MGAM2: variants seen among roughly 807,000 people sequenced by gnomAD.
MGAM2 encodes the protein probable maltase-glucoamylase 2.
MGAM2 carries 98 observed loss-of-function variants against 96.1 expected under a neutral mutation model. The ratio of observed to expected loss-of-function variants is 1.02; its 90% confidence interval spans 0.87 to 1.21. MGAM2 has a LOEUF of 1.21. MGAM2 is among the 50% of genes most tolerant of loss of function. MGAM2 has a pLI of 0.00. For synonymous variants in MGAM2, 749 were observed against 414.8 expected (o/e 1.81, Z -9.79); for missense variants, 2,055 against 1,182.4 (o/e 1.74, Z -10.82).
intron 15 of MGAM2, among the ~76,000 whole-genome samples, chr7:142,152,688 G>A (rs1430953443): frequency 6.6e-6 from 1 of 152,178 alleles, no homozygotes; most frequent in Non-Finnish European, 1.5e-5. Context: ...TTAGAAAGCG[G>A]GAAAGAAGAG....
At chr7:142,197,766 C>A (rs111453278) in intron 42 of MGAM2, 38 bp downstream of exon 42, 3 of 702,646 alleles carry the variant, frequency 4.3e-6, no homozygotes, top group Non-Finnish European at 7.8e-6. Context: ...CCTTCAATCA[C>A]ATGATCTAAA....
At chr7:142,149,528 G>A (rs1258282329) in intron 15 of MGAM2, among the ~76,000 whole-genome samples, 1 of 151,014 alleles carries the variant, frequency 6.6e-6, no homozygotes, top group African/African-American at 2.4e-5. Context: ...ATCTTCTGAC[G>A]TTGTCTACTT....
intron 15 of MGAM2, among the ~76,000 whole-genome samples, chr7:142,147,834 C>T (rs1795434649): frequency 6.6e-6 from 1 of 152,128 alleles, no homozygotes; most frequent in Admixed American, 6.5e-5. Flanking sequence ...CATTTAGAGT[C>T]CTCAGCTAGA....
chr7:142,156,846 G>A (rs572214031), intron 17 of MGAM2, among the ~76,000 whole-genome samples: 6 of 152,322 alleles, frequency 3.9e-5, no homozygotes, highest in African/African-American at 9.6e-5. Flanking sequence ...AAAAGATGAC[G>A]TGTATGTCTT....
At chr7:142,219,285 T>A (rs1797852819) in intron 47 of MGAM2, among the ~76,000 whole-genome samples, 1 of 152,160 alleles carries the variant, frequency 6.6e-6, no homozygotes, top group Non-Finnish European at 1.5e-5. Flanking sequence ...CCTGATGGTA[T>A]TTGGACTTTG....
At chr7:142,141,258 C>T in intron 12 of MGAM2, 139 bp downstream of exon 12, 2 of 556,798 alleles carry the variant, frequency 3.6e-6, no homozygotes, top group Non-Finnish European at 6.3e-6. Context: ...CTATTTTAAA[C>T]CAGTAGATAT....
intron 31 of MGAM2, among the ~76,000 whole-genome samples, chr7:142,175,398 G>A (rs1298466246): frequency 6.6e-6 from 1 of 152,006 alleles, no homozygotes; most frequent in Non-Finnish European, 1.5e-5. Flanking sequence ...TTGAGGAAAG[G>A]AAAGGGGATA....
chr7:142,111,997 ACTGT>A (rs763545148), intron 1 of MGAM2, among the ~76,000 whole-genome samples, 190 bp downstream of exon 1: 1 of 91,596 alleles, frequency 1.1e-5, no homozygotes, highest in African/African-American at 4.2e-5. Context: ...GAGAGGAGAG[ACTGT>A]GTGTGTGTGT....
At chr7:142,203,019 A>G (rs1370657918) in intron 45 of MGAM2, among the ~76,000 whole-genome samples, 1 of 152,060 alleles carries the variant, frequency 6.6e-6, no homozygotes, top group African/African-American at 2.4e-5. Context: ...TTTGATTTGC[A>G]TTTCTGTAAT....
chr7:142,206,131 A>G (rs945005426), intron 45 of MGAM2, among the ~76,000 whole-genome samples: 5 of 152,120 alleles, frequency 3.3e-5, no homozygotes, highest in African/African-American at 1.2e-4. Context: ...TTTCATTTCT[A>G]TTGCCTTAAT....
intron 32 of MGAM2, among the ~76,000 whole-genome samples, chr7:142,177,741 G>A (rs144977046): frequency 5.3e-5 from 8 of 152,156 alleles, no homozygotes; most frequent in African/African-American, 1.9e-4. Context: ...TGATATATAT[G>A]TACCATATTT....
At position 142,198,676 on chromosome 7, in the gene MGAM2, A is replaced by G; in HGVS notation, c.4985A>G (p.Asn1662Ser). Residue 1662 changes from asparagine (N) to serine (S), a missense_variant, in exon 44 of 48, where the codon AAC becomes AGC. Physicochemically the swap from Asn to Ser is conservative, Grantham distance 46 (BLOSUM62 1). Coordinates refer to ENST00000477922, the MANE Select transcript of MGAM2 (RefSeq NM_001293626.2). ...CTGAAGGCTCCCCTTGACCACATCA[A>G]CCTTCATGTCAGAGGAGGCTACATC... Reference protein sequence around the residue: ...KILKAPLDHINLHVRGGYILP... With the variant: ...KILKAPLDHISLHVRGGYILP... The G allele has an allele frequency of 2.8e-6, 2 of 703,802 alleles. No individual in the cohort carries two copies. The highest frequency in any genetic ancestry group is 1.5e-5 in the South Asian group (1 of 67,588). 43.6% of individuals were successfully genotyped at this position (703,802 alleles called of 1,614,324 possible).
intron 3 of MGAM2, among the ~76,000 whole-genome samples, chr7:142,123,738 G>A (rs367882468): frequency 2.6e-5 from 4 of 151,870 alleles, no homozygotes; most frequent in East Asian, 1.9e-4. Context: ...TCTTAATGGC[G>A]ACTGTTGATG....
Position 142,115,190 on chromosome 7 carries a change from G to T in MGAM2, c.1-1684G>T, listed in dbSNP as rs2129073011. Among the ~76,000 whole-genome samples the T allele has an allele frequency of 2.6e-5, 4 of 152,252 alleles. 1 individual carries two copies. The South Asian group carries it at 8.3e-4, about 32-fold the overall frequency. On this transcript the variant is annotated intron_variant, in intron 1 of 47. Coordinates refer to ENST00000477922, the MANE Select transcript of MGAM2 (RefSeq NM_001293626.2). The stretch of plus-strand genomic sequence containing the variant: ...TGAGATTGCGCCACTGCACTCCAGG[G>T]TGACACTCCGTCTGCAAAAAAATAA...
At chr7:142,121,799 A>C (rs1794580244) in intron 3 of MGAM2, among the ~76,000 whole-genome samples, 1 of 151,654 alleles carries the variant, frequency 6.6e-6, no homozygotes, top group Non-Finnish European at 1.5e-5. Flanking sequence ...TTAAGTATAG[A>C]ATTATATTAT....
rs139410693 is a variant in MGAM2, at chr7:142,198,575, T to C, written c.4924-40T>C. The C allele has an allele frequency of 8.6e-6, 6 of 699,670 alleles. No homozygotes were observed. In the African/African-American group the frequency reaches 8.7e-5, roughly 10 times the overall value. The allele number at this position is 699,670 out of a possible 1,614,324, so 43.3% of individuals were successfully genotyped here. ...TTAAAACATGCTCTCATTTAATATA[T>C]TTATCTCTCGCCATTTTTTGCCTGT... On this transcript the variant is annotated intron_variant, in intron 43 of 47. Transcript: ENST00000477922.
intron 27 of MGAM2, among the ~76,000 whole-genome samples, chr7:142,171,018 A>G (rs1397553594): frequency 1.3e-5 from 2 of 152,214 alleles, no homozygotes; most frequent in Non-Finnish European, 2.9e-5. Context: ...TAGAAGAATG[A>G]GTTATGGCCC....
At chr7:142,135,334 T>G (rs1795026717) in intron 7 of MGAM2, among the ~76,000 whole-genome samples, 1 of 152,242 alleles carries the variant, frequency 6.6e-6, no homozygotes, top group Non-Finnish European at 1.5e-5. Flanking sequence ...TGAATCGTAC[T>G]ACGTTTGACT....
At chr7:142,143,052 G>A (rs1465961654) in intron 12 of MGAM2, among the ~76,000 whole-genome samples, 1 of 152,186 alleles carries the variant, frequency 6.6e-6, no homozygotes, top group African/African-American at 2.4e-5. Flanking sequence ...CCCATCTTGA[G>A]TTTTGAGAAG....
Sources: gnomAD v4.1 joint callset for allele counts (sites outside exome capture counted in the v4.1 genomes callset) on GRCh38, gnomAD v4.1.1 for gene constraint, MANE v1.5 for transcripts, NCBI Gene and HGNC (gene_info 2026-07-23, HGNC 2026-07-21) for gene names.